Variants in MOB3A observed in about 807,000 individuals in gnomAD.
MOB3A encodes MOB LAK.
Under a neutral mutation model 17.8 loss-of-function variants are expected in MOB3A, and 17 were observed. The ratio of observed to expected loss-of-function variants is 0.95; its 90% CI spans 0.65 to 1.43. The LOEUF is 1.43. Ranked by LOEUF, MOB3A falls within the 40% of genes most tolerant of loss-of-function variation. The pLI is 0.00. For missense variants in MOB3A, 333 were observed against 310.8 expected, an observed-to-expected ratio of 1.07 and a Z score of -0.54; for synonymous variants, 124 against 133.2, an observed-to-expected ratio of 0.93 and a Z score of 0.48.
At position 2,076,820 on chromosome 19, in the gene MOB3A, C is replaced by A; in HGVS notation, c.615G>T (p.Leu205=). Residue 205 remains leucine, a synonymous_variant, in exon 4 of 5, where the codon CTG becomes CTT. Coordinates refer to ENST00000357066, the MANE Select transcript of MOB3A (RefSeq NM_130807.3). ...KEFGLIDTKE[L]EPLKEMTARM... ...CCCCAAGCCCGCGCACCAGTGGCTC[C>A]AGCTCCTTGGTGTCGATGAGGCCGA... 6.2e-7 allele frequency: 1 copy of A among 1,613,800 alleles called. No homozygotes were observed. The highest frequency in any genetic ancestry group is 8.5e-7 in the Non-Finnish European group (1 of 1,179,998).
intron 4 of MOB3A, 120 bp downstream of exon 4, chr19:2,076,691 C>T (rs888570032): frequency 4.7e-5 from 48 of 1,012,248 alleles, no homozygotes; most frequent in Non-Finnish European, 6.8e-5. Context: ...CAACTCCAGC[C>T]GGGGCCGCCA....
intron 1 of MOB3A, among the ~76,000 whole-genome samples, chr19:2,090,558 A>AG (rs2017602337): frequency 6.6e-6 from 1 of 152,126 alleles, no homozygotes; most frequent in Non-Finnish European, 1.5e-5. Context: ...CTCAATACCC[A>AG]GGGGGAGACC....
At chr19:2,081,755 A>G (rs1234996893) in intron 2 of MOB3A, among the ~76,000 whole-genome samples, 5 of 149,928 alleles carry the variant, frequency 3.3e-5, no homozygotes, top group Middle Eastern at 3.6e-3. Context: ...GTGATGGTGC[A>G]TGCCTGAAAT....
Position 2,096,289 on chromosome 19 carries a change from A to T in MOB3A, c.-337T>A. The T allele has an allele frequency of 6.3e-6, 1 of 157,954 alleles. No individual in the cohort carries two copies. The allele number at this position is 157,954 out of a possible 1,614,324, so 9.8% of individuals were successfully genotyped here. A position where few individuals can be genotyped will look rare whatever the true frequency, so the allele number is the denominator to read the frequency against. On this transcript the variant is annotated 5_prime_UTR_variant, in exon 1 of 5. Transcript: ENST00000357066. ...CCCAACTGGCCGCCTCGGCCGCCTC[A>T]GCCGCCGCACCGCCTCGCAGCCGCC...
At chr19:2,096,508 G>C (rs984418339), upstream of MOB3A, 3 of 170,812 alleles carry the variant, frequency 1.8e-5, no homozygotes, top group African/African-American at 7.2e-5. Context: ...GCAGCCCTGG[G>C]ATGCCCTGAG....
chr19:2,089,767 T>G (rs940857177), intron 1 of MOB3A, among the ~76,000 whole-genome samples: 1 of 152,036 alleles, frequency 6.6e-6, no homozygotes, highest in Non-Finnish European at 1.5e-5. Context: ...GGGAGCAGAC[T>G]TGATTTTTTT....
chr19:2,074,609 G>A (rs2017380703), intron 4 of MOB3A, among the ~76,000 whole-genome samples: 1 of 150,972 alleles, frequency 6.6e-6, no homozygotes, highest in Non-Finnish European at 1.5e-5. Context: ...CTGGAGAGCT[G>A]TGGCGCAATC....
At chr19:2,094,249 G>C (rs1194509837) in intron 1 of MOB3A, among the ~76,000 whole-genome samples, 5 of 151,798 alleles carry the variant, frequency 3.3e-5, no homozygotes, top group Non-Finnish European at 5.9e-5. Flanking sequence ...GGGTTTCACT[G>C]TGTTAGCCAG....
At chr19:2,087,336 T>TC (rs2017565158) in intron 1 of MOB3A, among the ~76,000 whole-genome samples, 1 of 152,190 alleles carries the variant, frequency 6.6e-6, no homozygotes, top group African/African-American at 2.4e-5. Flanking sequence ...TTTATCTAAT[T>TC]CCAGAACACT....
chr19:2,095,447 C>G (rs1050757418), intron 1 of MOB3A: 2 of 152,232 alleles, frequency 1.3e-5, no homozygotes, highest in Non-Finnish European at 2.9e-5. Context: ...TTTGGGGACC[C>G]CGAGCAAGAA....
At position 2,072,360 on chromosome 19, in the gene MOB3A, G is replaced by A. The variant is rs1241066544; in HGVS notation, c.*1035C>T. 1 of 152,156 alleles carries A rather than the reference G, an allele frequency of 6.6e-6. No homozygotes were observed. The highest frequency in any genetic ancestry group is 1.5e-5 in the Non-Finnish European group (1 of 68,046). The allele number at this position is 152,156 out of a possible 1,614,324, so 9.4% of individuals were successfully genotyped here. A position where few individuals can be genotyped will look rare whatever the true frequency, so the allele number is the denominator to read the frequency against. On this transcript the variant is annotated 3_prime_UTR_variant, in exon 5 of 5. Coordinates refer to ENST00000357066, the MANE Select transcript of MOB3A (RefSeq NM_130807.3). ...GGAGGCTGAAGCAGGAGAATCACTTGAACCCAGGAGGTGGAGGATGCAGTG... is the reference window on the plus strand; with the variant it reads ...GGAGGCTGAAGCAGGAGAATCACTTAAACCCAGGAGGTGGAGGATGCAGTG...
rs1440408546 is a variant in MOB3A at position 2,093,228 on chromosome 19, G to A, written c.-274+2998C>T. On this transcript the variant is annotated intron_variant, in intron 1 of 4. Transcript: ENST00000357066. The surrounding 1 kb of genome is among the most constrained non-coding windows in gnomAD (Gnocchi z 4.6). ...GCTGGAGTGCAGTGGCGTGATCTTG[G>A]CTCACTGCAAGCTCCGCCTCCCGGG... Among the ~76,000 whole-genome samples the A allele has an allele frequency of 1.3e-5, 2 of 151,946 alleles. No homozygotes were observed. Among genetic ancestry groups the A allele is most frequent in the East Asian group, 3.9e-4 (2 of 5,178 alleles).
Position 2,088,743 on chromosome 19 carries a change from C to G in MOB3A, c.-273-3415G>C, listed in dbSNP as rs921687471. Among the ~76,000 whole-genome samples the G allele has an allele frequency of 7.9e-5, 12 of 152,194 alleles. No individual in the cohort carries two copies. The South Asian group carries it at 2.1e-3, about 26-fold the overall frequency. Reference sequence around the variant, plus strand: ...TCGACCTCCCAAAGTGCTGGGATTACAGGCATGAGCCACCACACCCGGCAA... The same window carrying G: ...TCGACCTCCCAAAGTGCTGGGATTAGAGGCATGAGCCACCACACCCGGCAA... On this transcript the variant is annotated intron_variant, in intron 1 of 4. Coordinates refer to ENST00000357066, the MANE Select transcript of MOB3A (RefSeq NM_130807.3).
At chr19:2,075,929 C>T (rs916485881) in intron 4 of MOB3A, among the ~76,000 whole-genome samples, 1 of 152,014 alleles carries the variant, frequency 6.6e-6, no homozygotes, top group African/African-American at 2.4e-5. Flanking sequence ...TTGAGACCAG[C>T]CTGGCCAACA....
intron 4 of MOB3A, among the ~76,000 whole-genome samples, chr19:2,075,846 GGT>G (rs1428380561): frequency 6.6e-6 from 1 of 152,112 alleles, no homozygotes; most frequent in Non-Finnish European, 1.5e-5. Flanking sequence ...AATCTAGGCA[GGT>G]GCGGTGGCTC....
chr19:2,077,300 G>A (rs558830020), intron 3 of MOB3A, among the ~76,000 whole-genome samples: 2 of 152,188 alleles, frequency 1.3e-5, no homozygotes, highest in Admixed American at 6.5e-5. Flanking sequence ...TACTCAGGAG[G>A]CTGAGGCAGA....
chr19:2,072,740 T>G lies in MOB3A; in HGVS notation c.*655A>C. 1.3e-5 allele frequency: 2 copies of G among 149,326 alleles called. No individual in the cohort carries two copies. The highest frequency in any genetic ancestry group is 5.0e-5 in the African/African-American group (2 of 40,238). The allele number at this position is 149,326 out of a possible 1,614,324, so 9.3% of individuals were successfully genotyped here. A position where few individuals can be genotyped will look rare whatever the true frequency, so the allele number is the denominator to read the frequency against. On this transcript the variant is annotated 3_prime_UTR_variant, in exon 5 of 5. Transcript: ENST00000357066. Reference sequence around the variant, plus strand: ...AGTTCAGCGAGACCCCTGTCTCTAGTATGACCAAAAAAAAAAAAATCTGTA... The same window carrying G: ...AGTTCAGCGAGACCCCTGTCTCTAGGATGACCAAAAAAAAAAAAATCTGTA...
chr19:2,079,006 C>T (rs1297156286), intron 2 of MOB3A, among the ~76,000 whole-genome samples: 1 of 152,174 alleles, frequency 6.6e-6, no homozygotes, highest in Non-Finnish European at 1.5e-5. Context: ...ATGATCCTCT[C>T]ACCTCTGCCT....
chr19:2,095,199 AAC>A (rs1457874914), intron 1 of MOB3A: 2 of 153,042 alleles, frequency 1.3e-5, no homozygotes, highest in Non-Finnish European at 2.9e-5. Context: ...CAAACAAACA[AAC>A]AAACAAAAAA....
Sources: allele counts gnomAD v4.1 joint callset (sites outside exome capture counted in the v4.1 genomes callset), GRCh38; gene constraint gnomAD v4.1.1; non-coding constraint Gnocchi (gnomAD v3.1); transcripts MANE v1.5; gene names NCBI Gene and HGNC (gene_info 2026-07-23, HGNC 2026-07-21).